Variants in TNFAIP8L3 observed in about 807,000 individuals in gnomAD.
TNFAIP8L3 encodes the protein TNF alpha induced protein 8 like 3, also known as tumor necrosis factor alpha-induced protein 8-like protein 3.
In TNFAIP8L3, 7 loss-of-function variants were observed where a neutral mutation model predicts 11.8. The observed-to-expected ratio is 0.59, with a 90% CI of 0.34 to 1.11. The LOEUF is 1.11. Among genes scored for constraint, TNFAIP8L3 ranks in the 50% most tolerant of loss-of-function variants. The pLI, the probability that TNFAIP8L3 is intolerant of heterozygous loss-of-function variation, is 0.03. For synonymous variants in TNFAIP8L3, 98 were observed against 103.8 expected (o/e 0.94, Z 0.34); for missense variants, 219 against 258.6 (o/e 0.85, Z 1.05).
At chr15:51,060,684 G>A (rs2065237266) in intron 1 of TNFAIP8L3, among the ~76,000 whole-genome samples, 1 of 152,230 alleles carries the variant, frequency 6.6e-6, no homozygotes, top group Non-Finnish European at 1.5e-5. Context: ...TTCTGTGTCA[G>A]GCGCTGTTTA....
upstream of TNFAIP8L3, among the ~76,000 whole-genome samples, chr15:51,095,267 G>A (rs1385873346): frequency 1.5e-5 from 2 of 129,814 alleles, no homozygotes; most frequent in Non-Finnish European, 3.3e-5. Flanking sequence ...AAGGGAGCGG[G>A]GAATAAGGGA....
rs530809066 is a variant in TNFAIP8L3, at chr15:51,089,237, A to G, written c.52+5307T>C. On this transcript the variant is annotated intron_variant, in intron 1 of 1. Coordinates refer to ENST00000637513, the MANE Select transcript of TNFAIP8L3 (RefSeq NM_001311175.2). ...ACACCATCCATTCATCCATCCATCC[A>G]TCCGCCCACCCACCCACCTACCTAT... 2.0e-5 allele frequency among the ~76,000 whole-genome samples: 3 copies of G among 152,168 alleles called. No homozygotes were observed. The East Asian group carries it at 5.8e-4, about 29-fold the overall frequency.
chr15:51,081,563 A>G (rs1394770431), intron 1 of TNFAIP8L3, among the ~76,000 whole-genome samples: 1 of 152,198 alleles, frequency 6.6e-6, no homozygotes, highest in African/African-American at 2.4e-5. Context: ...TCTTAGCACC[A>G]ACCTCCACCC....
At chr15:51,085,850 G>A (rs2065423603) in intron 1 of TNFAIP8L3, among the ~76,000 whole-genome samples, 1 of 152,096 alleles carries the variant, frequency 6.6e-6, no homozygotes, top group South Asian at 2.1e-4. Flanking sequence ...TTGGAATAGT[G>A]CAGTCTTCTC....
chr15:51,057,424 A>C lies in TNFAIP8L3; in HGVS notation c.*457T>G, dbSNP rs1165226185. The C allele has an allele frequency of 1.3e-5, 2 of 155,358 alleles. No individual in the cohort carries two copies. The highest frequency in any genetic ancestry group is 4.8e-5 in the African/African-American group (2 of 41,496). The allele number at this position is 155,358 out of a possible 1,614,324, so 9.6% of individuals were successfully genotyped here. ...AAAATATTAAGACTTTAAATTAGAG[A>C]TTCCAAAAGTATGAACATACATCAT... On this transcript the variant is annotated 3_prime_UTR_variant, in exon 2 of 2. Transcript: ENST00000637513.
rs116134614 is a variant in TNFAIP8L3 at position 51,092,698 on chromosome 15, G to A, written c.52+1846C>T. ...TGATGTTTGCTGTCAGCTACGCAGAGGCCTTCTGACACAAACTGACCGTGA... is the reference window on the plus strand; with the variant it reads ...TGATGTTTGCTGTCAGCTACGCAGAAGCCTTCTGACACAAACTGACCGTGA... On this transcript the variant is annotated intron_variant, in intron 1 of 1. Transcript: ENST00000637513. 4.6e-3 allele frequency among the ~76,000 whole-genome samples: 698 copies of A among 152,236 alleles called. 6 individuals carry two copies. Among genetic ancestry groups the A allele is most frequent in the African/African-American group, 0.016 (668 of 41,526 alleles).
intron 1 of TNFAIP8L3, among the ~76,000 whole-genome samples, chr15:51,061,419 T>C (rs75129099): frequency 0.014 from 2,060 of 152,354 alleles, 24 homozygotes; most frequent in Non-Finnish European, 0.022. Context: ...ATAATGTAAA[T>C]AGTGACATTT....
intron 1 of TNFAIP8L3, among the ~76,000 whole-genome samples, chr15:51,077,185 C>T (rs2065358292): frequency 6.6e-6 from 1 of 152,234 alleles, no homozygotes; most frequent in African/African-American, 2.4e-5. Flanking sequence ...TCTGTCAGTC[C>T]TTGGCCTGTG....
upstream of TNFAIP8L3, among the ~76,000 whole-genome samples, chr15:51,097,729 A>G (rs2065523477): frequency 6.6e-6 from 1 of 152,220 alleles, no homozygotes; most frequent in South Asian, 2.1e-4. Flanking sequence ...TCCTCCCAGT[A>G]TGGAAAAATC....
rs761236172 is a variant in TNFAIP8L3 at position 51,094,551 on chromosome 15, G to T, written c.45C>A (p.Thr15=). 2.7e-5 allele frequency: 40 copies of T among 1,503,102 alleles called. No homozygotes were observed. Among genetic ancestry groups the T allele is most frequent in the Non-Finnish European group, 3.3e-5 (37 of 1,130,682 alleles). 93.1% of individuals were successfully genotyped at this position (1,503,102 alleles called of 1,614,324 possible). A position where few individuals can be genotyped will look rare whatever the true frequency, so the allele number is the denominator to read the frequency against. The change falls in exon 1 of 2, where the codon ACC becomes ACA. Residue 15 remains threonine, a synonymous_variant. Transcript: ENST00000637513. The surrounding 1 kb of genome is among the most constrained non-coding windows in gnomAD (Gnocchi z 4.4). ...SGEQSEGEPV[T]AAGPDVFSSK... is the part of the protein sequence containing the mutation. ...GTCGCGGCCCCTAGGTACCTGCGGC[G>T]GTCACGGGCTCGCCCTCGCTCTGCT...
chr15:51,090,711 A>G (rs979547607), intron 1 of TNFAIP8L3, among the ~76,000 whole-genome samples: 2 of 152,042 alleles, frequency 1.3e-5, no homozygotes, highest in African/African-American at 2.4e-5. Context: ...GGAGAGGGAG[A>G]GGAAGGGCAG....
rs750869288 is a variant in TNFAIP8L3, at chr15:51,105,167, G to GT, written c.9dup (p.Pro4ThrfsTer14). 2 of 1,613,572 alleles carry GT rather than the reference G, an allele frequency of 1.2e-6. No individual in the cohort carries two copies. The highest frequency in any genetic ancestry group is 2.2e-5 in the South Asian group (2 of 91,008). ...ACCAGTGTGCTTGGGTTTTGCCGTG[G>GT]TTTCCCCATTTGGACTCAGGTGTCC... is the stretch of plus-strand genomic sequence containing the variant. On this transcript the variant is annotated frameshift_variant, in exon 1 of 3. Coordinates refer to the TNFAIP8L3 transcript ENST00000327536. LOFTEE classifies it high-confidence loss of function.
intron 1 of TNFAIP8L3, among the ~76,000 whole-genome samples, chr15:51,076,816 T>G (rs1320180689): frequency 6.6e-6 from 1 of 152,176 alleles, no homozygotes; most frequent in Non-Finnish European, 1.5e-5. Context: ...GGTTTCTGGG[T>G]CTGTTAAATG....
At chr15:51,085,621 CT>C (rs201800961) in intron 1 of TNFAIP8L3, among the ~76,000 whole-genome samples, 32,571 of 140,160 alleles carry the variant, frequency 0.23, 3,890 homozygotes, top group East Asian at 0.45. Context: ...AGCTCCGATT[CT>C]TTTTTTTTTT....
rs961488726 is a variant in TNFAIP8L3, at chr15:51,094,253, C to A, written c.52+291G>T. 6.6e-6 allele frequency among the ~76,000 whole-genome samples: 1 copy of A among 152,202 alleles called. No homozygotes were observed. Among genetic ancestry groups the A allele is most frequent in the Non-Finnish European group, 1.5e-5 (1 of 68,040 alleles). On this transcript the variant is annotated intron_variant, in intron 1 of 1. Transcript: ENST00000637513. This position sits in a 1 kb window ranked among gnomAD's most constrained non-coding sequence, Gnocchi z 4.4. ...ACCCTCTCTGCAGCAAACTACAGTA[C>A]GCGGATTCCCGAACCCTTCCCCGCC...
In TNFAIP8L3 at chr15:51,090,815, A is replaced by G. The variant is rs971683048; in HGVS notation, c.52+3729T>C. On this transcript the variant is annotated intron_variant, in intron 1 of 1. Transcript: ENST00000637513. ...TCACATGGAAATGCTTTTCTGCAGC[A>G]CCGACCCAGGCACAAGGGCACCATC... Among the ~76,000 whole-genome samples the G allele has an allele frequency of 4.6e-5, 7 of 152,206 alleles. No individual in the cohort carries two copies. The South Asian group carries it at 1.5e-3, about 32-fold the overall frequency.
upstream of TNFAIP8L3, among the ~76,000 whole-genome samples, chr15:51,098,663 A>G (rs563614170): frequency 6.6e-6 from 1 of 152,262 alleles, no homozygotes; most frequent in Non-Finnish European, 1.5e-5. Context: ...TGGAAAATAC[A>G]TATAAACAAA....
upstream of TNFAIP8L3, among the ~76,000 whole-genome samples, chr15:51,095,721 C>A (rs1381617679): frequency 3.3e-5 from 5 of 152,044 alleles, no homozygotes; most frequent in African/African-American, 1.2e-4. Flanking sequence ...ATGCACGGAG[C>A]ACCGAGGCCT....
chr15:51,060,126 C>T (rs1170199301), intron 1 of TNFAIP8L3, among the ~76,000 whole-genome samples: 1 of 152,248 alleles, frequency 6.6e-6, no homozygotes, highest in African/African-American at 2.4e-5. Context: ...AAAGCTCTGA[C>T]TTCCTGACTG....
Sources: allele counts gnomAD v4.1 joint callset (sites outside exome capture counted in the v4.1 genomes callset), GRCh38; gene constraint gnomAD v4.1.1; non-coding constraint Gnocchi (gnomAD v3.1); transcripts MANE v1.5; gene names NCBI Gene and HGNC (gene_info 2026-07-23, HGNC 2026-07-21).